Variants in NCKAP1L observed in about 807,000 individuals in gnomAD.
NCKAP1L encodes nck-associated protein 1-like.
In NCKAP1L, 53 loss-of-function variants were observed where a neutral mutation model predicts 139.2. The ratio of observed to expected loss-of-function variants is 0.38; its 90% CI spans 0.31 to 0.48. NCKAP1L has a LOEUF of 0.48. NCKAP1L is among the 20% of genes least tolerant of loss of function. The pLI is 0.98. For missense variants in NCKAP1L, 1,151 were observed against 1,381.9 expected (o/e 0.83, Z 2.65); for synonymous variants, 468 against 499.7 (o/e 0.94, Z 0.85).
In NCKAP1L at chr12:54,543,340, C is replaced by G. The variant is rs922212376; in HGVS notation, c.*655C>G. 6.6e-5 allele frequency: 10 copies of G among 152,258 alleles called. No homozygotes were observed. Among genetic ancestry groups the G allele is most frequent in the African/African-American group, 2.4e-4 (10 of 41,428 alleles). The allele number at this position is 152,258 out of a possible 1,614,324, so 9.4% of individuals were successfully genotyped here. A position where few individuals can be genotyped will look rare whatever the true frequency, so the allele number is the denominator to read the frequency against. On this transcript the variant is annotated 3_prime_UTR_variant, in exon 31 of 31. Transcript: ENST00000293373. ...AGGAAGTGCCCTTCAGAGATGTTCA[C>G]TGCCCACCTACTCTACTACATTGTT...
At chr12:54,542,146 C>T (rs1957162840) in intron 30 of NCKAP1L, among the ~76,000 whole-genome samples, 3 of 152,140 alleles carry the variant, frequency 2.0e-5, no homozygotes, top group Admixed American at 1.3e-4. Flanking sequence ...CAAGAGGACC[C>T]ATGTGGATTC....
chr12:54,505,667 C>CA (rs1555170786), intron 3 of NCKAP1L, among the ~76,000 whole-genome samples: 18 of 144,616 alleles, frequency 1.2e-4, no homozygotes, highest in African/African-American at 4.3e-4. Flanking sequence ...CCCGTCCTCC[C>CA]TTTTTTTTTT....
At chr12:54,508,017 A>G (rs1237295268) in intron 4 of NCKAP1L, 108 bp downstream of exon 4, 3 of 976,048 alleles carry the variant, frequency 3.1e-6, no homozygotes, top group Admixed American at 3.9e-5. Context: ...GACTGGAAGG[A>G]TGGCTATTTT....
At chr12:54,500,710 C>T (rs1956791174) in intron 3 of NCKAP1L, 85 bp downstream of exon 3, 4 of 882,952 alleles carry the variant, frequency 4.5e-6, no homozygotes, top group Non-Finnish European at 1.9e-6. Flanking sequence ...TTGCTTAAAA[C>T]AAGTTCTTGA....
chr12:54,517,329 C>A (rs1235974953), intron 11 of NCKAP1L, among the ~76,000 whole-genome samples: 1 of 152,098 alleles, frequency 6.6e-6, no homozygotes, highest in Non-Finnish European at 1.5e-5. Context: ...GAGAAGGGTA[C>A]TAATTGTGAG....
intron 20 of NCKAP1L, among the ~76,000 whole-genome samples, chr12:54,525,364 T>A (rs1957018075): frequency 6.6e-6 from 1 of 152,204 alleles, no homozygotes; most frequent in Admixed American, 6.5e-5. Context: ...TGGGTGAAGT[T>A]AAATTAGTTT....
Position 54,517,580 on chromosome 12 carries a change from C to G in NCKAP1L, c.1143C>G (p.Thr381=). ...MALSFIRDEV[T]WLVRHTENVT... ...TGTCCTTCATTCGTGATGAGGTCAC[C>G]TGGCTGGTTCGCCACACAGAGAATG... Residue 381 remains threonine (T), a synonymous_variant, in exon 12 of 31, where the codon ACC becomes ACG. Transcript: ENST00000293373. The G allele has an allele frequency of 2.5e-6, 4 of 1,614,112 alleles. No homozygotes were observed. The highest frequency in any genetic ancestry group is 1.7e-5 in the Admixed American group (1 of 60,018).
chr12:54,524,614 AC>A lies in NCKAP1L; in HGVS notation c.2156+659del, dbSNP rs564165499. ...AGTATGTAGCTTATTCATTCATTCA[AC>A]AAATGTTTATTGAACACCTGCTGTG... is the stretch of plus-strand genomic sequence containing the variant. On this transcript the variant is annotated intron_variant, in intron 20 of 30. Transcript: ENST00000293373. Among the ~76,000 whole-genome samples, 13 of 152,328 alleles carry A rather than the reference AC, an allele frequency of 8.5e-5. No homozygotes were observed. The South Asian group carries it at 2.7e-3, about 32-fold the overall frequency.
intron 26 of NCKAP1L, 104 bp downstream of exon 26, chr12:54,532,354 G>C (rs954336226): frequency 7.7e-6 from 6 of 780,714 alleles, no homozygotes; most frequent in Non-Finnish European, 1.2e-5. Flanking sequence ...AACACCATAG[G>C]GATAAGGGCG....
rs946528418 is a variant in NCKAP1L, at chr12:54,499,295, A to G, written c.103-60A>G. On this transcript the variant is annotated intron_variant, in intron 1 of 30. Coordinates refer to ENST00000293373, the MANE Select transcript of NCKAP1L (RefSeq NM_005337.5). Reference sequence around the variant, plus strand: ...GATTATGAGAATGAATGTTGCAAGAAGAGGTATGTTTCTGAGGAGGAGGAG... The same window carrying G: ...GATTATGAGAATGAATGTTGCAAGAGGAGGTATGTTTCTGAGGAGGAGGAG... 6.5e-6 allele frequency: 6 copies of G among 928,924 alleles called. No homozygotes were observed. The African/African-American group carries it at 9.9e-5, about 15-fold the overall frequency. 57.5% of individuals were successfully genotyped at this position (928,924 alleles called of 1,614,324 possible).
At chr12:54,527,061 C>G (rs1438602793) in intron 21 of NCKAP1L, among the ~76,000 whole-genome samples, 1 of 152,204 alleles carries the variant, frequency 6.6e-6, no homozygotes, top group Non-Finnish European at 1.5e-5. Context: ...AATGATCTCT[C>G]TTCCTCTTTC....
chr12:54,533,553 G>A (rs985950636), intron 26 of NCKAP1L, among the ~76,000 whole-genome samples: 10 of 151,854 alleles, frequency 6.6e-5, no homozygotes, highest in Non-Finnish European at 1.2e-4. Flanking sequence ...CAAAGTGTGT[G>A]TATGTTGGTA....
At chr12:54,520,158 G>A (rs1437007146) in intron 16 of NCKAP1L, among the ~76,000 whole-genome samples, 5 of 152,200 alleles carry the variant, frequency 3.3e-5, no homozygotes, top group Admixed American at 2.6e-4. Context: ...AAGCAATGTA[G>A]TTGGGGAGAT....
At chr12:54,517,135 A>G in intron 11 of NCKAP1L, 143 bp downstream of exon 11, 3 of 683,968 alleles carry the variant, frequency 4.4e-6, no homozygotes, top group Middle Eastern at 2.5e-4. Context: ...ACATTCTTGG[A>G]GTATCCCAAA....
Position 54,546,323 on chromosome 12 carries a change from G to A in NCKAP1L, c.*3638G>A, listed in dbSNP as rs1294406820. 2.1e-5 allele frequency: 3 copies of A among 141,132 alleles called. No homozygotes were observed. Among genetic ancestry groups the A allele is most frequent in the African/African-American group, 8.0e-5 (3 of 37,556 alleles). The allele number at this position is 141,132 out of a possible 1,614,324, so 8.7% of individuals were successfully genotyped here. Reference sequence around the variant, plus strand: ...TGCAGTGAGCGAAGATGATGCCATTGCACTCCAGTCTGGGTGACAGAGCAA... The same window carrying A: ...TGCAGTGAGCGAAGATGATGCCATTACACTCCAGTCTGGGTGACAGAGCAA... On this transcript the variant is annotated 3_prime_UTR_variant, in exon 31 of 31. Transcript: ENST00000293373.
At chr12:54,532,306 G>T in intron 26 of NCKAP1L, 56 bp downstream of exon 26, 11 of 1,442,792 alleles carry the variant, frequency 7.6e-6, no homozygotes, top group Non-Finnish European at 9.6e-6. Flanking sequence ...TTGAAAAGGA[G>T]GTAGCTAGGA....
chr12:54,534,759 T>G (rs1174832057), intron 26 of NCKAP1L, among the ~76,000 whole-genome samples: 1 of 152,034 alleles, frequency 6.6e-6, no homozygotes, highest in Non-Finnish European at 1.5e-5. Flanking sequence ...TACGATGGAG[T>G]GTCCCAAAGG....
chr12:54,512,709 A>T (rs2120904945), intron 9 of NCKAP1L, among the ~76,000 whole-genome samples: 1 of 152,320 alleles, frequency 6.6e-6, no homozygotes, highest in East Asian at 1.9e-4. Context: ...CTCAGGATCT[A>T]GAAAAACCTG....
At chr12:54,500,715 T>C (rs1956791236) in intron 3 of NCKAP1L, 90 bp downstream of exon 3, 1 of 864,638 alleles carries the variant, frequency 1.2e-6, no homozygotes, top group Non-Finnish European at 1.9e-6. Context: ...TAAAACAAGT[T>C]CTTGAAAAAA....
Sources: allele counts gnomAD v4.1 joint callset (sites outside exome capture counted in the v4.1 genomes callset), GRCh38; gene constraint gnomAD v4.1.1; transcripts MANE v1.5; gene names NCBI Gene and HGNC (gene_info 2026-07-23, HGNC 2026-07-21).